Variants in PCDHGA3 observed in about 807,000 individuals in gnomAD.
PCDHGA3 encodes protocadherin gamma subfamily A, 3, also known as protocadherin gamma-A3.
Under a neutral mutation model 58.5 loss-of-function variants are expected in PCDHGA3, and 40 were observed. The ratio of observed to expected loss-of-function variants is 0.68; its 90% CI spans 0.53 to 0.89. PCDHGA3 has a LOEUF of 0.89. PCDHGA3 is among the 40% of genes least tolerant of loss of function. The probability of loss-of-function intolerance (pLI) is 0.00; values close to 1 mark genes in which losing one functional copy is unlikely to be tolerated. For synonymous variants in PCDHGA3, 530 were observed against 525.7 expected (o/e 1.01, Z -0.11); for missense variants, 1,223 against 1,195.9 (o/e 1.02, Z -0.33).
At chr5:141,375,790 A>G (rs1284123678) in intron 1 of PCDHGA3, 9 of 1,614,216 alleles carry the variant, frequency 5.6e-6, no homozygotes, top group African/African-American at 2.7e-5. Context: ...CCCTCCCCAC[A>G]GACGGTTCCA....
chr5:141,388,527 T>C, intron 1 of PCDHGA3: 1 of 1,613,866 alleles, frequency 6.2e-7, no homozygotes, highest in Non-Finnish European at 8.5e-7. Flanking sequence ...TTTGACTGCC[T>C]TGGACTTTGG....
chr5:141,505,621 A>G (rs1170133157), intron 3 of PCDHGA3, 140 bp downstream of exon 3: 5 of 1,495,758 alleles, frequency 3.3e-6, no homozygotes, highest in South Asian at 2.6e-5. Context: ...AGGACCCACA[A>G]TTCCAAACAT....
chr5:141,355,797 T>G (rs1425654380), intron 1 of PCDHGA3: 1 of 1,613,522 alleles, frequency 6.2e-7, no homozygotes, highest in African/African-American at 1.3e-5. Context: ...TGGAACGCGC[T>G]CTAGATCGCG....
chr5:141,401,830 T>C (rs950842785), intron 1 of PCDHGA3, among the ~76,000 whole-genome samples: 4 of 152,216 alleles, frequency 2.6e-5, no homozygotes, highest in Admixed American at 1.3e-4. Context: ...TGCTGAGATT[T>C]CTTATAATAC....
intron 1 of PCDHGA3, among the ~76,000 whole-genome samples, chr5:141,455,291 A>G (rs1212745731): frequency 6.6e-6 from 1 of 152,072 alleles, no homozygotes; most frequent in Non-Finnish European, 1.5e-5. Flanking sequence ...CACTTTACAT[A>G]GTTTCATCTT....
intron 1 of PCDHGA3, among the ~76,000 whole-genome samples, chr5:141,347,746 C>A (rs1338414505): frequency 6.7e-6 from 1 of 149,964 alleles, no homozygotes; most frequent in Non-Finnish European, 1.5e-5. Flanking sequence ...AAAATTGGGC[C>A]ACTGCACTCC....
intron 1 of PCDHGA3, among the ~76,000 whole-genome samples, chr5:141,434,854 A>G (rs2097723190): frequency 6.6e-6 from 1 of 151,936 alleles, no homozygotes; most frequent in Admixed American, 6.6e-5. Context: ...ACATCAATAA[A>G]TTTATATATA....
chr5:141,428,624 C>CT, intron 1 of PCDHGA3: 1 of 193,988 alleles, frequency 5.2e-6, no homozygotes, highest in South Asian at 1.1e-4. Context: ...AAGATAAGCT[C>CT]TAACTCTGTT....
intron 1 of PCDHGA3, chr5:141,384,782 C>G (rs746906389): frequency 6.2e-7 from 1 of 1,613,642 alleles, no homozygotes; most frequent in Non-Finnish European, 8.5e-7. Flanking sequence ...GAGGTGCGCA[C>G]GGCTCGGGCC....
intron 1 of PCDHGA3, chr5:141,409,586 G>C: frequency 6.2e-7 from 1 of 1,613,908 alleles, no homozygotes; most frequent in Non-Finnish European, 8.5e-7. Flanking sequence ...GGTCCACGTG[G>C]CCGAGAACAA....
intron 1 of PCDHGA3, chr5:141,418,388 T>C: frequency 6.2e-7 from 1 of 1,613,942 alleles, no homozygotes; most frequent in Non-Finnish European, 8.5e-7. Flanking sequence ...TCCTAACGAG[T>C]ATTTCTCATT....
intron 1 of PCDHGA3, chr5:141,423,051 CCTG>C (rs771403541): frequency 2.5e-6 from 4 of 1,614,208 alleles, no homozygotes; most frequent in Admixed American, 1.7e-5. Flanking sequence ...TGTCCTATCG[CCTG>C]CTTAAGGCCA....
In PCDHGA3 at chr5:141,351,987, G is replaced by T. The variant is rs1399569045; in HGVS notation, c.2424+5530G>T. The T allele has an allele frequency of 3.7e-6, 6 of 1,611,016 alleles. No homozygotes were observed. Among genetic ancestry groups the T allele is most frequent in the Non-Finnish European group, 4.2e-6 (5 of 1,179,544 alleles). Reference sequence around the variant, plus strand: ...TCCGCCCTCTTCGATATGGTGCCACGCGCCGCAGAGCCCGGCTACCTGGTG... The same window carrying T: ...TCCGCCCTCTTCGATATGGTGCCACTCGCCGCAGAGCCCGGCTACCTGGTG... On this transcript the variant is annotated intron_variant, in intron 1 of 3. Coordinates refer to ENST00000253812, the MANE Select transcript of PCDHGA3 (RefSeq NM_018916.4).
intron 1 of PCDHGA3, among the ~76,000 whole-genome samples, chr5:141,349,470 A>G (rs78875108): frequency 0.033 from 5,043 of 152,298 alleles, 101 homozygotes; most frequent in African/African-American, 0.06. Context: ...GTACCCCAAC[A>G]CTAAATTGGC....
intron 1 of PCDHGA3, chr5:141,413,327 A>G (rs200027912): frequency 6.2e-7 from 1 of 1,613,984 alleles, no homozygotes; most frequent in Non-Finnish European, 8.5e-7. Context: ...TTCGTGGGCA[A>G]CATCTCCAAG....
rs372994272 is a variant in PCDHGA3, at chr5:141,485,358, G to C, written c.2425-9449G>C. On this transcript the variant is annotated intron_variant, in intron 1 of 3. Coordinates refer to ENST00000253812, the MANE Select transcript of PCDHGA3 (RefSeq NM_018916.4). This position sits in a 1 kb window ranked among gnomAD's most constrained non-coding sequence, Gnocchi z 5.7. ...CTGGATACGGACAGTCTGTCAGCTC[G>C]CAGGCTGCAGGTCGCTGGAGAGGTG... is the stretch of plus-strand genomic sequence containing the variant. 3.1e-6 allele frequency: 5 copies of C among 1,613,982 alleles called. No homozygotes were observed. Among genetic ancestry groups the C allele is most frequent in the Non-Finnish European group, 4.2e-6 (5 of 1,180,014 alleles).
At chr5:141,383,630 T>A in intron 1 of PCDHGA3, 3 of 1,613,986 alleles carry the variant, frequency 1.9e-6, no homozygotes, top group Non-Finnish European at 1.7e-6. Context: ...GTCTTCTCTC[T>A]GCCTCAGTAC....
rs1758506119 is a variant in PCDHGA3, at chr5:141,350,568, T to C, written c.2424+4111T>C. The C allele has an allele frequency of 6.2e-7, 1 of 1,614,036 alleles. No individual in the cohort carries two copies. Among genetic ancestry groups the C allele is most frequent in the Non-Finnish European group, 8.5e-7 (1 of 1,179,894 alleles). On this transcript the variant is annotated intron_variant, in intron 1 of 3. Coordinates refer to ENST00000253812, the MANE Select transcript of PCDHGA3 (RefSeq NM_018916.4). The stretch of plus-strand genomic sequence containing the variant: ...AGGAAACTTGAGTGTGCACTAGAAT[T>C]CGAAACGGTCGCTGAAAACCCAATG...
chr5:141,432,362 C>T lies in PCDHGA3; in HGVS notation c.2425-62445C>T. On this transcript the variant is annotated intron_variant, in intron 1 of 3. Transcript: ENST00000253812. The surrounding 1 kb of genome is among the most constrained non-coding windows in gnomAD (Gnocchi z 6.0). ...AGACTTGCAAGTGAAAGTGATGGCG[C>T]GGGACAACGGGCACCCGCCCCTCAG... 2 of 1,614,218 alleles carry T rather than the reference C, an allele frequency of 1.2e-6. No homozygotes were observed. Among genetic ancestry groups the T allele is most frequent in the South Asian group, 2.2e-5 (2 of 91,082 alleles).
Sources: allele counts gnomAD v4.1 joint callset (sites outside exome capture counted in the v4.1 genomes callset), GRCh38; gene constraint gnomAD v4.1.1; non-coding constraint Gnocchi (gnomAD v3.1); transcripts MANE v1.5; gene names NCBI Gene and HGNC (gene_info 2026-07-23, HGNC 2026-07-21).